Variants in PTPRM observed in about 807,000 individuals in gnomAD.
The protein encoded by PTPRM is receptor-type tyrosine-protein phosphatase mu.
In PTPRM, 47 loss-of-function variants were observed where a neutral mutation model predicts 186.7. The ratio of observed to expected loss-of-function variants is 0.25; its 90% CI spans 0.20 to 0.32. The LOEUF is 0.32. Ranked by LOEUF, PTPRM falls within the 10% of genes least tolerant of loss-of-function variation. The pLI is 1.00. For synonymous variants in PTPRM, 668 were observed against 674.9 expected (o/e 0.99, Z 0.16); for missense variants, 1,494 against 1,865.0 (o/e 0.80, Z 3.66).
intron 2 of PTPRM, among the ~76,000 whole-genome samples, chr18:7,782,259 T>C (rs2042892732): frequency 1.3e-5 from 2 of 151,672 alleles, no homozygotes; most frequent in African/African-American, 4.8e-5. Context: ...GGGTAATGGG[T>C]GTGTGAGGGA....
At position 7,884,620 on chromosome 18, in the gene PTPRM, T is replaced by C. The variant is rs371173602; in HGVS notation, c.197-3486T>C. Among the ~76,000 whole-genome samples the C allele has an allele frequency of 5.2e-3, 799 of 152,220 alleles. 8 individuals carry two copies. The highest frequency in any genetic ancestry group is 0.018 in the African/African-American group (757 of 41,534). On this transcript the variant is annotated intron_variant, in intron 2 of 32. Transcript: ENST00000580170. Reference sequence around the variant, plus strand: ...CTCTCATGAATTTCACAAAATCACATGCTGAAAATAGCAGATCTTAGGCCA... The same window carrying C: ...CTCTCATGAATTTCACAAAATCACACGCTGAAAATAGCAGATCTTAGGCCA...
intron 6 of PTPRM, among the ~76,000 whole-genome samples, chr18:7,953,908 G>A (rs1251030341): frequency 1.3e-5 from 2 of 152,102 alleles, no homozygotes; most frequent in African/African-American, 4.8e-5. Flanking sequence ...ATTTTTCCGT[G>A]CATTTGTATG....
chr18:7,852,343 G>T (rs541414344), intron 2 of PTPRM, among the ~76,000 whole-genome samples: 1 of 152,136 alleles, frequency 6.6e-6, no homozygotes, highest in Non-Finnish European at 1.5e-5. Flanking sequence ...TTAGGAGGCC[G>T]AGGTGGGAGG....
chr18:8,223,776 C>G (rs1014520168), intron 14 of PTPRM, among the ~76,000 whole-genome samples: 2 of 152,192 alleles, frequency 1.3e-5, no homozygotes, highest in African/African-American at 4.8e-5. Context: ...TCTATATCAG[C>G]TTTCATAACA....
rs997741915 is a variant in PTPRM, at chr18:7,896,628, A to G, written c.468+8251A>G. Among the ~76,000 whole-genome samples, 4 of 152,224 alleles carry G rather than the reference A, an allele frequency of 2.6e-5. No homozygotes were observed. In the South Asian group the frequency reaches 8.3e-4, roughly 32 times the overall value. On this transcript the variant is annotated intron_variant, in intron 3 of 32. Transcript: ENST00000580170. ...TGGGAGGATAAAGTTATCAAATATG[A>G]GAGCCTTGTGGGTTCACGAGAGCCT...
At chr18:7,667,354 G>C (rs1291923393) in intron 1 of PTPRM, among the ~76,000 whole-genome samples, 1 of 152,192 alleles carries the variant, frequency 6.6e-6, no homozygotes, top group East Asian at 1.9e-4. Flanking sequence ...TTACACAGCA[G>C]CTTCTTATTA....
intron 2 of PTPRM, among the ~76,000 whole-genome samples, chr18:7,884,944 AAAAAAAAG>A (rs1298883290): frequency 5.3e-5 from 8 of 150,290 alleles, no homozygotes; most frequent in Non-Finnish European, 8.9e-5. Context: ...AAAAAAAAAA[AAAAAAAAG>A]GAGAGAGAGA....
chr18:7,656,578 GA>G (rs2038854526), intron 1 of PTPRM, among the ~76,000 whole-genome samples: 3 of 152,126 alleles, frequency 2.0e-5, no homozygotes, highest in South Asian at 4.1e-4. Flanking sequence ...ATAATTTAAA[GA>G]AGAAAAGATC....
chr18:8,127,886 G>T (rs2092411222), intron 13 of PTPRM, among the ~76,000 whole-genome samples: 1 of 152,092 alleles, frequency 6.6e-6, no homozygotes, highest in African/African-American at 2.4e-5. Flanking sequence ...TGCTCTGCAG[G>T]AACTTATATT....
chr18:7,995,866 GT>G (rs2083504817), intron 7 of PTPRM: 1 of 152,172 alleles, frequency 6.6e-6, no homozygotes, highest in Admixed American at 6.5e-5. Context: ...CAGGCAAATT[GT>G]TTTGAGAACA....
intron 19 of PTPRM, among the ~76,000 whole-genome samples, chr18:8,283,832 A>C (rs2094928779): frequency 6.6e-6 from 1 of 151,958 alleles, no homozygotes; most frequent in Non-Finnish European, 1.5e-5. Flanking sequence ...TATGTTGCCC[A>C]GGCTGTTCTT....
intron 2 of PTPRM, among the ~76,000 whole-genome samples, chr18:7,858,452 G>C (rs143498180): frequency 1.3e-5 from 2 of 152,090 alleles, no homozygotes; most frequent in Non-Finnish European, 2.9e-5. Flanking sequence ...TAGCTATTCT[G>C]GAGGCTGAGG....
At chr18:7,576,601 G>A (rs1366390211) in intron 1 of PTPRM, among the ~76,000 whole-genome samples, 1 of 152,060 alleles carries the variant, frequency 6.6e-6, no homozygotes, top group East Asian at 1.9e-4. Flanking sequence ...TCAGCCTCCT[G>A]AGCAGCTGGG....
At chr18:7,861,321 C>A (rs559950926) in intron 2 of PTPRM, among the ~76,000 whole-genome samples, 69 of 152,004 alleles carry the variant, frequency 4.5e-4, no homozygotes, top group Admixed American at 2.2e-3. Context: ...ATAAAGTAAA[C>A]AGAATAATGA....
Position 8,143,645 on chromosome 18 carries a change from A to T in PTPRM, c.2168-2A>T, listed in dbSNP as rs2146120687. ...TCCTTTTTCATTTCCTTTCATCTTC[A>T]GGAGCTGCCACTCCGAAACCAGTCC... is the stretch of plus-strand genomic sequence containing the variant. On this transcript the variant is annotated splice_acceptor_variant, in intron 13 of 32. Coordinates refer to ENST00000580170, the MANE Select transcript of PTPRM (RefSeq NM_001105244.2). LOFTEE classifies it high-confidence loss of function. 1 of 1,587,276 alleles carries T rather than the reference A, an allele frequency of 6.3e-7. No individual in the cohort carries two copies. The highest frequency in any genetic ancestry group is 8.7e-7 in the Non-Finnish European group (1 of 1,155,734).
chr18:8,399,678 C>A (rs543185184), intron 32 of PTPRM: 2 of 152,194 alleles, frequency 1.3e-5, no homozygotes, highest in African/African-American at 4.8e-5. Context: ...TCTAGCGTTT[C>A]GTCATTCGTG....
intron 1 of PTPRM, among the ~76,000 whole-genome samples, chr18:7,729,437 T>G (rs1240755708): frequency 6.6e-6 from 1 of 152,096 alleles, no homozygotes; most frequent in African/African-American, 2.4e-5. Flanking sequence ...GGTCTTTGAG[T>G]GTTATATTAT....
chr18:7,896,808 C>G lies in PTPRM; in HGVS notation c.468+8431C>G, dbSNP rs531677503. Among the ~76,000 whole-genome samples, 21 of 152,296 alleles carry G rather than the reference C, an allele frequency of 1.4e-4. No individual in the cohort carries two copies. The East Asian group carries it at 2.5e-3, about 18-fold the overall frequency. ...GCACTAAACCAAGATTCACCCTTAT[C>G]AGTCTGACATCTTTCCTGGTAAAAG... is the stretch of plus-strand genomic sequence containing the variant. On this transcript the variant is annotated intron_variant, in intron 3 of 32. Coordinates refer to ENST00000580170, the MANE Select transcript of PTPRM (RefSeq NM_001105244.2).
chr18:8,250,393 A>G (rs1241728664), intron 17 of PTPRM, among the ~76,000 whole-genome samples: 1 of 152,104 alleles, frequency 6.6e-6, no homozygotes, highest in African/African-American at 2.4e-5. Flanking sequence ...AAGTAGAACT[A>G]ATTTTCAGTT....
Sources: gnomAD v4.1 joint callset for allele counts (sites outside exome capture counted in the v4.1 genomes callset) on GRCh38, gnomAD v4.1.1 for gene constraint, MANE v1.5 for transcripts, NCBI Gene and HGNC (gene_info 2026-07-23, HGNC 2026-07-21) for gene names.